Variants in STK17A observed in about 807,000 individuals in gnomAD.
STK17A encodes the protein serine/threonine kinase 17a.
STK17A carries 26 observed loss-of-function variants against 43.7 expected under a neutral mutation model. The ratio of observed to expected loss-of-function variants is 0.60; its 90% CI spans 0.44 to 0.83. The LOEUF is 0.83. STK17A is among the 40% of genes least tolerant of loss of function. STK17A has a pLI of 0.00. For missense variants in STK17A, 476 were observed against 511.6 expected (o/e 0.93, Z 0.67); for synonymous variants, 191 against 182.5 (o/e 1.05, Z -0.38).
intron 3 of STK17A, chr7:43,609,679 G>A (rs1305057732): frequency 6.6e-6 from 1 of 152,198 alleles, no homozygotes; most frequent in Non-Finnish European, 1.5e-5. Context: ...CACAGAACAT[G>A]CCACAGCAAC....
intron 1 of STK17A, among the ~76,000 whole-genome samples, chr7:43,587,195 C>T (rs1317593387): frequency 2.6e-4 from 35 of 136,884 alleles, no homozygotes; most frequent in African/African-American, 7.9e-4. Context: ...CGCTCTGTCG[C>T]CCAGGCTAGA....
At chr7:43,622,972 G>C (rs889364187) in intron 4 of STK17A, 1 of 152,454 alleles carries the variant, frequency 6.6e-6, no homozygotes, top group Non-Finnish European at 1.5e-5. Context: ...AAAGTGCTGG[G>C]TACCCAGCCT....
intron 4 of STK17A, among the ~76,000 whole-genome samples, chr7:43,619,969 G>C (rs1285092213): frequency 1.3e-5 from 2 of 152,156 alleles, no homozygotes; most frequent in African/African-American, 4.8e-5. Flanking sequence ...ACTTCTAAAA[G>C]GAATAGGAGA....
chr7:43,596,125 C>A lies in STK17A; in HGVS notation c.419+12C>A. The A allele has an allele frequency of 6.3e-7, 1 of 1,597,266 alleles. No individual in the cohort carries two copies. Among genetic ancestry groups the A allele is most frequent in the South Asian group, 1.1e-5 (1 of 89,190 alleles). On this transcript the variant is annotated intron_variant, in intron 2 of 6. Coordinates refer to ENST00000319357, the MANE Select transcript of STK17A (RefSeq NM_004760.3). ...TTAGTTCTGGAATAGTAAGTATTGTCTTTCTTAGATTAAGTTTGTTTGGTA... is the reference window on the plus strand; with the variant it reads ...TTAGTTCTGGAATAGTAAGTATTGTATTTCTTAGATTAAGTTTGTTTGGTA...
intron 2 of STK17A, among the ~76,000 whole-genome samples, chr7:43,597,586 C>T (rs377144705): frequency 1.0e-3 from 155 of 152,122 alleles, no homozygotes; most frequent in African/African-American, 3.3e-3. Flanking sequence ...GGGGTTTCAC[C>T]GTGTTGGTGA....
At chr7:43,608,715 A>T (rs149206650) in intron 3 of STK17A, 246 of 195,582 alleles carry the variant, frequency 1.3e-3, no homozygotes, top group African/African-American at 5.0e-3. Flanking sequence ...AAAATTGCTC[A>T]CAAGAGTTAG....
At chr7:43,621,672 G>A (rs1300706686) in intron 4 of STK17A, among the ~76,000 whole-genome samples, 1 of 152,100 alleles carries the variant, frequency 6.6e-6, no homozygotes, top group Non-Finnish European at 1.5e-5. Context: ...GGGTCTCACT[G>A]TGTTGCCCAG....
chr7:43,620,258 A>C (rs1400794182), intron 4 of STK17A, among the ~76,000 whole-genome samples: 1 of 152,238 alleles, frequency 6.6e-6, no homozygotes, highest in East Asian at 1.9e-4. Context: ...AAAGAAGTCA[A>C]CTATTACTTT....
intron 3 of STK17A, chr7:43,608,829 G>A (rs2082649429): frequency 6.5e-6 from 1 of 153,530 alleles, no homozygotes; most frequent in Admixed American, 6.5e-5. Flanking sequence ...TGGATTCTAG[G>A]GGTTTCATAT....
At position 43,595,214 on chromosome 7, in the gene STK17A, A is replaced by G. The variant is rs973703299; in HGVS notation, c.207-687A>G. On this transcript the variant is annotated intron_variant, in intron 1 of 6. Transcript: ENST00000319357. Reference sequence around the variant, plus strand: ...TCTTTAGAGTCAATTAGTGCAGTGAAATTCATCATATTAGGGATTCTGGTG... The same window carrying G: ...TCTTTAGAGTCAATTAGTGCAGTGAGATTCATCATATTAGGGATTCTGGTG... Among the ~76,000 whole-genome samples, 38 of 151,764 alleles carry G rather than the reference A, an allele frequency of 2.5e-4. 1 individual carries two copies. Among genetic ancestry groups the G allele is most frequent in the African/African-American group, 9.2e-4 (38 of 41,432 alleles).
chr7:43,590,395 G>A (rs1014240155), intron 1 of STK17A, among the ~76,000 whole-genome samples: 1 of 151,344 alleles, frequency 6.6e-6, no homozygotes, highest in Admixed American at 6.6e-5. Flanking sequence ...ATAATGCAAA[G>A]GACTTAGGGA....
At chr7:43,620,404 G>C (rs760754421) in intron 4 of STK17A, among the ~76,000 whole-genome samples, 1 of 152,216 alleles carries the variant, frequency 6.6e-6, no homozygotes, top group African/African-American at 2.4e-5. Flanking sequence ...GCCAAGTGCA[G>C]TGGCTCACGC....
chr7:43,594,254 T>C (rs1211126362), intron 1 of STK17A, among the ~76,000 whole-genome samples: 2 of 110,624 alleles, frequency 1.8e-5, no homozygotes, highest in Non-Finnish European at 3.7e-5. Flanking sequence ...TGAGACCCTG[T>C]CTCTTAAAGG....
intron 1 of STK17A, among the ~76,000 whole-genome samples, chr7:43,592,140 A>T (rs764873093): frequency 3.3e-5 from 5 of 151,694 alleles, no homozygotes; most frequent in Non-Finnish European, 7.4e-5. Context: ...TAGGTATGAA[A>T]ATATCAAATT....
intron 3 of STK17A, among the ~76,000 whole-genome samples, chr7:43,612,599 G>A (rs189292772): frequency 3.3e-4 from 51 of 152,300 alleles, no homozygotes; most frequent in African/African-American, 1.2e-3. Context: ...TAGTCTCCAT[G>A]CTGGTTAAAA....
chr7:43,591,372 C>G (rs910161557), intron 1 of STK17A, among the ~76,000 whole-genome samples: 10 of 151,218 alleles, frequency 6.6e-5, no homozygotes, highest in African/African-American at 2.2e-4. Flanking sequence ...CCAAACATAC[C>G]CATTCATTTA....
intron 2 of STK17A, among the ~76,000 whole-genome samples, chr7:43,607,957 G>A (rs1437004964): frequency 2.0e-5 from 3 of 152,098 alleles, no homozygotes; most frequent in Non-Finnish European, 4.4e-5. Context: ...AGCCTATACC[G>A]TGTTTTGATT....
intron 2 of STK17A, among the ~76,000 whole-genome samples, chr7:43,596,867 C>CAAAA (rs34131847): frequency 1.9e-5 from 2 of 106,604 alleles, no homozygotes; most frequent in African/African-American, 3.9e-5. Context: ...GACTCCATCT[C>CAAAA]AAAAAAAAAA....
chr7:43,615,252 T>C (rs1161703174), intron 3 of STK17A, among the ~76,000 whole-genome samples: 1 of 152,196 alleles, frequency 6.6e-6, no homozygotes, highest in Non-Finnish European at 1.5e-5. Flanking sequence ...CTCGGCTCAC[T>C]GCAACCTCTG....
Sources: gnomAD v4.1 joint callset for allele counts (sites outside exome capture counted in the v4.1 genomes callset) on GRCh38, gnomAD v4.1.1 for gene constraint, MANE v1.5 for transcripts, NCBI Gene and HGNC (gene_info 2026-07-23, HGNC 2026-07-21) for gene names.